CSMD1: variants seen among roughly 807,000 people sequenced by gnomAD.
CSMD1 encodes the protein CUB and Sushi multiple domains 1, also known as CUB and sushi domain-containing protein 1.
In CSMD1, 213 loss-of-function variants were observed where a neutral mutation model predicts 417.5. That is an observed-to-expected ratio of 0.51 (90% CI 0.46 to 0.57). The LOEUF is 0.57. Among genes scored for constraint, CSMD1 ranks in the 20% least tolerant of loss-of-function variants. The pLI, the probability that CSMD1 is intolerant of heterozygous loss-of-function variation, is 0.00. For missense variants in CSMD1, 6,923 were observed against 4,529.7 expected (o/e 1.53, Z -15.17); for synonymous variants, 2,862 against 1,736.8 (o/e 1.65, Z -16.11).
At chr8:3,847,098 C>T (rs901703507) in intron 5 of CSMD1, among the ~76,000 whole-genome samples, 3 of 152,074 alleles carry the variant, frequency 2.0e-5, no homozygotes, top group Admixed American at 1.3e-4. Context: ...CCTAAGAGGA[C>T]CTCCATGCTC....
At chr8:4,306,868 T>C (rs574239809) in intron 3 of CSMD1, among the ~76,000 whole-genome samples, 2 of 152,292 alleles carry the variant, frequency 1.3e-5, no homozygotes, top group South Asian at 4.1e-4. Context: ...AATCTCTTTT[T>C]GCAAAATCTG....
chr8:3,760,627 T>G (rs961387453), intron 5 of CSMD1, among the ~76,000 whole-genome samples: 3 of 152,232 alleles, frequency 2.0e-5, no homozygotes, highest in African/African-American at 7.2e-5. Context: ...GTATGTGACT[T>G]GAAAAATGAA....
At chr8:3,547,516 T>A (rs974513102) in intron 10 of CSMD1, among the ~76,000 whole-genome samples, 4 of 152,206 alleles carry the variant, frequency 2.6e-5, no homozygotes, top group African/African-American at 9.6e-5. Flanking sequence ...CCTGATCACG[T>A]CTCTCAAATA....
intron 1 of CSMD1, among the ~76,000 whole-genome samples, chr8:4,872,687 C>T (rs1802803807): frequency 6.6e-6 from 1 of 152,060 alleles, no homozygotes; most frequent in African/African-American, 2.4e-5. Context: ...CACAATACAA[C>T]TTGCAAGGAA....
chr8:3,383,555 A>G (rs919432935), intron 18 of CSMD1, among the ~76,000 whole-genome samples: 1 of 152,224 alleles, frequency 6.6e-6, no homozygotes, highest in African/African-American at 2.4e-5. Context: ...TCATGCACGA[A>G]TGAAAACAGT....
intron 1 of CSMD1, among the ~76,000 whole-genome samples, chr8:4,888,154 T>C (rs1398895245): frequency 1.3e-5 from 2 of 151,940 alleles, no homozygotes; most frequent in Admixed American, 6.6e-5. Flanking sequence ...AAAGAGTATA[T>C]GAATAAATTG....
Position 3,326,548 on chromosome 8 carries a change from A to G in CSMD1, c.3631+16746T>C, listed in dbSNP as rs139840252. Among the ~76,000 whole-genome samples the G allele has an allele frequency of 5.3e-5, 8 of 152,330 alleles. No individual in the cohort carries two copies. In the East Asian group the frequency reaches 1.5e-3, roughly 29 times the overall value. ...AAGTGCCTTATGTTTTACAGTTGTT[A>G]CACATTTGTTTTCAAGCTTAAAATA... On this transcript the variant is annotated intron_variant, in intron 23 of 69. Coordinates refer to ENST00000635120, the MANE Select transcript of CSMD1 (RefSeq NM_033225.6).
chr8:3,846,513 T>C (rs913783662), intron 5 of CSMD1, among the ~76,000 whole-genome samples: 1 of 152,208 alleles, frequency 6.6e-6, no homozygotes, highest in Non-Finnish European at 1.5e-5. Context: ...TAGAAAGTAT[T>C]TCACAGGAAT....
At chr8:4,892,308 C>T (rs1804172916) in intron 1 of CSMD1, among the ~76,000 whole-genome samples, 2 of 152,038 alleles carry the variant, frequency 1.3e-5, no homozygotes, top group South Asian at 2.1e-4. Flanking sequence ...CAATCACATA[C>T]TCAGATGGTT....
At chr8:4,068,414 G>T (rs889349361) in intron 3 of CSMD1, among the ~76,000 whole-genome samples, 1 of 152,190 alleles carries the variant, frequency 6.6e-6, no homozygotes, top group African/African-American at 2.4e-5. Context: ...GGAGAGACAT[G>T]AAAAGCACGG....
At chr8:3,050,276 G>A (rs1811733940) in intron 50 of CSMD1, among the ~76,000 whole-genome samples, 2 of 152,160 alleles carry the variant, frequency 1.3e-5, no homozygotes, top group African/African-American at 4.8e-5. Flanking sequence ...TTTAGAACAA[G>A]AGGGAGTAGA....
At position 3,408,076 on chromosome 8, in the gene CSMD1, C is replaced by G; in HGVS notation, c.1894G>C (p.Glu632Gln). ...IHLIFNDFDV[E>Q]PQFDFLAVKD... The stretch of plus-strand genomic sequence containing the variant: ...ACCGCGAGAAAGTCAAACTGAGGCT[C>G]AACATCAAAATCATTAAAGATTAGG... Residue 632 changes from glutamate to glutamine, a missense_variant, in exon 14 of 70, where the codon GAG becomes CAG. Glu to Gln is a conservative substitution (Grantham distance 29, BLOSUM62 2). Transcript: ENST00000635120. The G allele has an allele frequency of 6.2e-7, 1 of 1,613,796 alleles. No individual in the cohort carries two copies. The highest frequency in any genetic ancestry group is 8.5e-7 in the Non-Finnish European group (1 of 1,179,868).
chr8:4,738,903 TTGTG>T (rs34836566), intron 1 of CSMD1, among the ~76,000 whole-genome samples: 2 of 147,396 alleles, frequency 1.4e-5, no homozygotes, highest in African/African-American at 5.2e-5. Flanking sequence ...TTCTGTGTGT[TTGTG>T]TGTGTGTGTG....
intron 12 of CSMD1, among the ~76,000 whole-genome samples, chr8:3,457,979 C>T (rs972876481): frequency 1.3e-5 from 2 of 152,150 alleles, no homozygotes; most frequent in Non-Finnish European, 2.9e-5. Context: ...AGAAGTACAC[C>T]TTGTTAATTT....
intron 3 of CSMD1, among the ~76,000 whole-genome samples, chr8:4,392,316 C>T (rs1200597555): frequency 1.3e-5 from 2 of 152,064 alleles, no homozygotes; most frequent in African/African-American, 4.8e-5. Context: ...GCAGGTTTTA[C>T]CATGGGGACC....
At chr8:3,987,817 A>G (rs941090035) in intron 5 of CSMD1, among the ~76,000 whole-genome samples, 5 of 152,200 alleles carry the variant, frequency 3.3e-5, no homozygotes, top group Admixed American at 1.3e-4. Flanking sequence ...ATCCAAACCC[A>G]TAGTTCCAGA....
At chr8:4,411,420 T>A (rs145639083) in intron 3 of CSMD1, among the ~76,000 whole-genome samples, 11 of 152,146 alleles carry the variant, frequency 7.2e-5, no homozygotes, top group African/African-American at 2.6e-4. Flanking sequence ...TTTGAAAAAA[T>A]ACACAGCAAA....
intron 26 of CSMD1, among the ~76,000 whole-genome samples, chr8:3,243,276 G>C (rs1276574191): frequency 6.6e-6 from 1 of 152,052 alleles, no homozygotes; most frequent in East Asian, 1.9e-4. Flanking sequence ...ACAGGGGATT[G>C]ATCTCCCAAG....
At chr8:4,861,318 C>T (rs763123828) in intron 1 of CSMD1, among the ~76,000 whole-genome samples, 1 of 152,074 alleles carries the variant, frequency 6.6e-6, no homozygotes, top group Non-Finnish European at 1.5e-5. Flanking sequence ...ACATCCATAT[C>T]AAACAAAAAT....
Sources: allele counts gnomAD v4.1 joint callset (sites outside exome capture counted in the v4.1 genomes callset), GRCh38; gene constraint gnomAD v4.1.1; transcripts MANE v1.5; gene names NCBI Gene and HGNC (gene_info 2026-07-23, HGNC 2026-07-21).